Variants in MGST1 observed in about 807,000 individuals in gnomAD.
MGST1 encodes the protein microsomal glutathione S-transferase 1.
In MGST1, 5 loss-of-function variants were observed where a neutral mutation model predicts 8.9. The observed-to-expected ratio is 0.56, with a 90% CI of 0.29 to 1.19. The LOEUF is 1.19. MGST1 is among the 50% of genes most tolerant of loss of function. MGST1 has a pLI of 0.08. For synonymous variants in MGST1, 54 were observed against 67.8 expected (o/e 0.80, Z 1.00); for missense variants, 182 against 187.4 (o/e 0.97, Z 0.17).
At chr12:16,541,669 G>T (rs772171619) in intron 4 of MGST1, among the ~76,000 whole-genome samples, 2 of 152,000 alleles carry the variant, frequency 1.3e-5, no homozygotes, top group Non-Finnish European at 2.9e-5. Context: ...CTATTCTCAG[G>T]TCTCTTTTTT....
chr12:16,547,506 C>T lies in MGST1; in HGVS notation n.483-42022C>T, dbSNP rs1475631557. ...TTCGCTTTTGTGTGCTCATTATTAG[C>T]AGGTTGGAGATGAGCACAAACCAGT... On this transcript the variant is annotated intron_variant and non_coding_transcript_variant, in intron 4 of 4. Coordinates refer to the MGST1 transcript ENST00000538857. This position sits in a 1 kb window ranked among gnomAD's most constrained non-coding sequence, Gnocchi z 4.6. Among the ~76,000 whole-genome samples, 1 of 152,054 alleles carries T rather than the reference C, an allele frequency of 6.6e-6. No individual in the cohort carries two copies. The highest frequency in any genetic ancestry group is 1.5e-5 in the Non-Finnish European group (1 of 68,010).
chr12:16,378,082 G>C (rs1162962561), downstream of MGST1, among the ~76,000 whole-genome samples: 3 of 151,652 alleles, frequency 2.0e-5, no homozygotes, highest in Non-Finnish European at 2.9e-5. Context: ...AAAATTTTCT[G>C]CCATTCTGTA....
intron 4 of MGST1, chr12:16,551,165 G>T: frequency 9.0e-7 from 1 of 1,115,118 alleles, no homozygotes; most frequent in Non-Finnish European, 1.4e-6. Flanking sequence ...TACATGTGGA[G>T]CAAAAAAGAT....
chr12:16,433,475 G>T (rs757473595), intron 1 of MGST1, among the ~76,000 whole-genome samples: 1 of 151,984 alleles, frequency 6.6e-6, no homozygotes, highest in Non-Finnish European at 1.5e-5. Context: ...TCAGTTTAGG[G>T]CTGAAGGTAG....
Position 16,513,784 on chromosome 12 carries a change from A to T in MGST1, n.483-75744A>T. 1 of 596,330 alleles carries T rather than the reference A, an allele frequency of 1.7e-6. No individual in the cohort carries two copies. The highest frequency in any genetic ancestry group is 3.3e-6 in the Non-Finnish European group (1 of 301,538). 36.9% of individuals were successfully genotyped at this position (596,330 alleles called of 1,614,324 possible). A position where few individuals can be genotyped will look rare whatever the true frequency, so the allele number is the denominator to read the frequency against. On this transcript the variant is annotated intron_variant and non_coding_transcript_variant, in intron 4 of 4. Coordinates refer to the MGST1 transcript ENST00000538857. The surrounding 1 kb of genome is among the most constrained non-coding windows in gnomAD (Gnocchi z 4.2). Reference sequence around the variant, plus strand: ...TGTCACTGTGCAGACCATTTCTGGAACTAGTGCCTTAAGGATCAGAGCTAG... The same window carrying T: ...TGTCACTGTGCAGACCATTTCTGGATCTAGTGCCTTAAGGATCAGAGCTAG...
rs35081887 is a variant in MGST1, at chr12:16,358,779, C to CTTTTTTTTTTTTT, written c.221+1097_221+1109dup. 5.2e-4 allele frequency among the ~76,000 whole-genome samples: 30 copies of CTTTTTTTTTTTTT among 57,580 alleles called. 1 individual carries two copies. The highest frequency in any genetic ancestry group is 1.1e-3 in the East Asian group (2 of 1,810). 37.8% of individuals were successfully genotyped at this position (57,580 alleles called of 152,430 possible). A position where few individuals can be genotyped will look rare whatever the true frequency, so the allele number is the denominator to read the frequency against. On this transcript the variant is annotated intron_variant, in intron 3 of 3. Coordinates refer to ENST00000396210, the MANE Select transcript of MGST1 (RefSeq NM_020300.5). ...CACCGGACCTGGCCAAAATTCATTC[C>CTTTTTTTTTTTTT]TTTTTTTTTTTTTTTTTTTTTTTTT...
At chr12:16,522,225 G>A (rs1199759037) in intron 4 of MGST1, among the ~76,000 whole-genome samples, 1 of 152,078 alleles carries the variant, frequency 6.6e-6, no homozygotes, top group Non-Finnish European at 1.5e-5. Flanking sequence ...AATTTTTGAC[G>A]ATGGGATCGA....
At chr12:16,357,264 G>A (rs1939759554) in intron 2 of MGST1, among the ~76,000 whole-genome samples, 2 of 152,014 alleles carry the variant, frequency 1.3e-5, no homozygotes, top group African/African-American at 2.4e-5. Context: ...TGGTTTGTTT[G>A]TTTTCTTTTT....
At chr12:16,535,511 A>G (rs527927172) in intron 4 of MGST1, among the ~76,000 whole-genome samples, 1 of 152,244 alleles carries the variant, frequency 6.6e-6, no homozygotes, top group Non-Finnish European at 1.5e-5. Flanking sequence ...TGCTTGCGAC[A>G]AAAACAGAGA....
At chr12:16,516,234 A>C (rs1201388595) in intron 4 of MGST1, among the ~76,000 whole-genome samples, 1 of 152,180 alleles carries the variant, frequency 6.6e-6, no homozygotes, top group Non-Finnish European at 1.5e-5. Flanking sequence ...CATCTTTTAC[A>C]TCCTAGCTCA....
chr12:16,446,965 C>T (rs546622843), intron 4 of MGST1, among the ~76,000 whole-genome samples: 1 of 152,012 alleles, frequency 6.6e-6, no homozygotes, highest in Admixed American at 6.6e-5. Context: ...CTCTGTGGGT[C>T]TTCTGTCCTC....
chr12:16,499,570 C>T (rs1941491914), intron 4 of MGST1, among the ~76,000 whole-genome samples: 1 of 152,046 alleles, frequency 6.6e-6, no homozygotes, highest in African/African-American at 2.4e-5. Context: ...GTGCCATTAC[C>T]AATATCTGCA....
chr12:16,385,003 A>T (rs1940492432), intron 1 of MGST1, among the ~76,000 whole-genome samples: 1 of 152,206 alleles, frequency 6.6e-6, no homozygotes, highest in Admixed American at 6.5e-5. Context: ...AAGGAACAGG[A>T]GTTAGGTGGG....
At chr12:16,506,972 C>A (rs1390815245) in intron 4 of MGST1, among the ~76,000 whole-genome samples, 1 of 152,142 alleles carries the variant, frequency 6.6e-6, no homozygotes, top group Non-Finnish European at 1.5e-5. Flanking sequence ...CTAGGGGCTC[C>A]AGGCCCAATA....
intron 1 of MGST1, among the ~76,000 whole-genome samples, chr12:16,420,693 A>G (rs931987041): frequency 6.6e-6 from 1 of 152,072 alleles, no homozygotes; most frequent in Non-Finnish European, 1.5e-5. Context: ...CAGTGATTGG[A>G]TATGGGGAGC....
rs1276774567 is a variant in MGST1 at position 16,585,725 on chromosome 12, A to G, written n.483-3803A>G. 6.6e-6 allele frequency among the ~76,000 whole-genome samples: 1 copy of G among 152,210 alleles called. No individual in the cohort carries two copies. Among genetic ancestry groups the G allele is most frequent in the Non-Finnish European group, 1.5e-5 (1 of 68,028 alleles). On this transcript the variant is annotated intron_variant and non_coding_transcript_variant, in intron 4 of 4. Coordinates refer to the MGST1 transcript ENST00000538857. This position sits in a 1 kb window ranked among gnomAD's most constrained non-coding sequence, Gnocchi z 4.7. ...TAAGCAGCTCCAAATATAATAATAG[A>G]AAGGAAAATATGGGTGAGAAATTAC... is the stretch of plus-strand genomic sequence containing the variant.
At chr12:16,514,036 G>A in intron 4 of MGST1, 1 of 409,920 alleles carries the variant, frequency 2.4e-6, no homozygotes, top group Non-Finnish European at 4.8e-6. Context: ...TCCCACAGGA[G>A]TGGACCCTGG....
Position 16,401,364 on chromosome 12 carries a change from TC to T in MGST1, n.778+17763del. ...CTAGGAAGCTTTCATGGAATTCAATTCCCACCCCAAATCCTAGGTTTCTGGT... is the reference window on the plus strand; with the variant it reads ...CTAGGAAGCTTTCATGGAATTCAATTCCACCCCAAATCCTAGGTTTCTGGT... On this transcript the variant is annotated intron_variant and non_coding_transcript_variant, in intron 1 of 1. Coordinates refer to the MGST1 transcript ENST00000359720. The surrounding 1 kb of genome is among the most constrained non-coding windows in gnomAD (Gnocchi z 4.3). The T allele has an allele frequency of 8.3e-7, 1 of 1,204,348 alleles. No individual in the cohort carries two copies. Among genetic ancestry groups the T allele is most frequent in the Non-Finnish European group, 1.2e-6 (1 of 811,452 alleles). 74.6% of individuals were successfully genotyped at this position (1,204,348 alleles called of 1,614,324 possible). A position where few individuals can be genotyped will look rare whatever the true frequency, so the allele number is the denominator to read the frequency against.
At chr12:16,360,016 T>C (rs111555959) in intron 3 of MGST1, among the ~76,000 whole-genome samples, 74 of 152,290 alleles carry the variant, frequency 4.9e-4, no homozygotes, top group African/African-American at 1.8e-3. Flanking sequence ...AAAGAACAAT[T>C]GACCCCAGTT....
Sources: allele counts gnomAD v4.1 joint callset (sites outside exome capture counted in the v4.1 genomes callset), GRCh38; gene constraint gnomAD v4.1.1; non-coding constraint Gnocchi (gnomAD v3.1); transcripts MANE v1.5; gene names NCBI Gene and HGNC (gene_info 2026-07-23, HGNC 2026-07-21).